TTC21A: variants seen among roughly 807,000 people sequenced by gnomAD.
TTC21A encodes the protein tetratricopeptide repeat protein 21A.
In TTC21A, 128 loss-of-function variants were observed where a neutral mutation model predicts 156.4. That is an observed-to-expected ratio of 0.82 (90% CI 0.71 to 0.95). TTC21A has a LOEUF of 0.95. Ranked by LOEUF, TTC21A falls within the 40% of genes least tolerant of loss-of-function variation. The pLI, the probability that TTC21A is intolerant of heterozygous loss-of-function variation, is 0.00. For missense variants in TTC21A, 1,435 were observed against 1,602.3 expected (o/e 0.90, Z 1.78); for synonymous variants, 587 against 617.1 (o/e 0.95, Z 0.72).
At position 39,130,104 on chromosome 3, in the gene TTC21A, C is replaced by T; in HGVS notation, c.2161C>T (p.Pro721Ser). 6.2e-7 allele frequency: 1 copy of T among 1,614,140 alleles called. No individual in the cohort carries two copies. Among genetic ancestry groups the T allele is most frequent in the Non-Finnish European group, 8.5e-7 (1 of 1,180,020 alleles). Reference protein sequence around the residue: ...YRELCEHLPGPHTSLLLGDAL... With the variant: ...YRELCEHLPGSHTSLLLGDAL... Reference sequence around the variant, plus strand: ...TGAGCTCTGTGAACATCTGCCTGGCCCCCACACCAGCCTGCTACTGGGCGA... The same window carrying T: ...TGAGCTCTGTGAACATCTGCCTGGCTCCCACACCAGCCTGCTACTGGGCGA... Residue 721 changes from proline to serine, a missense_variant, in exon 16 of 29, where the codon CCC becomes TCC. Transcript: ENST00000683103. The surrounding 1 kb of genome is among the most constrained non-coding windows in gnomAD (Gnocchi z 4.5).
intron 12 of TTC21A, among the ~76,000 whole-genome samples, chr3:39,127,114 C>G (rs2038334717): frequency 6.6e-6 from 1 of 152,158 alleles, no homozygotes; most frequent in Non-Finnish European, 1.5e-5. Flanking sequence ...GGCCCAGACC[C>G]TGGAGAGAAA....
At chr3:39,138,076 T>G (rs1575568973) in intron 26 of TTC21A, 191 bp from the exon 27 acceptor site, 1 of 717,050 alleles carries the variant, frequency 1.4e-6, no homozygotes. Context: ...GTGTCTGGGG[T>G]AGCTGAGAGG....
Position 39,107,683 on chromosome 3 carries a change from C to G in TTC21A, c.-155C>G. 1 of 1,301,704 alleles carries G rather than the reference C, an allele frequency of 7.7e-7. No individual in the cohort carries two copies. The highest frequency in any genetic ancestry group is 1.1e-6 in the Non-Finnish European group (1 of 925,432). The allele number at this position is 1,301,704 out of a possible 1,614,324, so 80.6% of individuals were successfully genotyped here. A position where few individuals can be genotyped will look rare whatever the true frequency, so the allele number is the denominator to read the frequency against. On this transcript the variant is annotated 5_prime_UTR_variant, in exon 1 of 29. Coordinates refer to ENST00000683103, the MANE Select transcript of TTC21A (RefSeq NM_001366900.1). Reference sequence around the variant, plus strand: ...GGCGTTTTGTTCCTCCCACTCCAGACACTGGACGCTCCTAGCAACCGGCTA... The same window carrying G: ...GGCGTTTTGTTCCTCCCACTCCAGAGACTGGACGCTCCTAGCAACCGGCTA...
chr3:39,131,131 A>G lies in TTC21A; in HGVS notation c.2562+36A>G, dbSNP rs764697161. 6 of 1,532,538 alleles carry G rather than the reference A, an allele frequency of 3.9e-6. No homozygotes were observed. The African/African-American group carries it at 5.5e-5, about 14-fold the overall frequency. The allele number at this position is 1,532,538 out of a possible 1,614,324, so 94.9% of individuals were successfully genotyped here. On this transcript the variant is annotated intron_variant, in intron 19 of 28. Coordinates refer to ENST00000683103, the MANE Select transcript of TTC21A (RefSeq NM_001366900.1). ...GGTGGACTCAAGCTCTTTATCTGCC[A>G]TCTGCTGATGGGGGCTGAAGGAGGA...
At position 39,134,305 on chromosome 3, in the gene TTC21A, C is replaced by G. The variant is rs2038950036; in HGVS notation, c.2839C>G (p.Gln947Glu). The G allele has an allele frequency of 2.5e-6, 4 of 1,613,598 alleles. No individual in the cohort carries two copies. The highest frequency in any genetic ancestry group is 1.3e-5 in the African/African-American group (1 of 74,908). ...QHCAILLQTE[Q>E]NHETASVLMA... is the part of the protein sequence containing the mutation. ...CTGTGCCATCCTCCTGCAGACTGAG[C>G]AGAACCATGAGACCGCTTCTGTGGT... is the stretch of plus-strand genomic sequence containing the variant. The change falls in exon 21 of 29, where the codon CAG (glutamine) becomes GAG (glutamate). Residue 947 changes from glutamine (Q) to glutamate (E), a missense_variant. By Grantham distance (29) the Gln-to-Glu change is conservative. Transcript: ENST00000683103. This position sits in a 1 kb window ranked among gnomAD's most constrained non-coding sequence, Gnocchi z 4.6.
In TTC21A at chr3:39,125,338, A is replaced by C. The variant is rs201539091; in HGVS notation, c.1198A>C (p.Ile400Leu). The C allele has an allele frequency of 2.9e-5, 46 of 1,613,714 alleles. No homozygotes were observed. The highest frequency in any genetic ancestry group is 3.8e-5 in the Non-Finnish European group (45 of 1,180,008). The change falls in exon 11 of 29, where the codon ATT becomes CTT. Residue 400 changes from isoleucine to leucine, a missense_variant. By Grantham distance (5) the Ile-to-Leu change is conservative (BLOSUM62 2). Coordinates refer to ENST00000683103, the MANE Select transcript of TTC21A (RefSeq NM_001366900.1). ...QKSLGKSEVL[I>L]FLQALLMSRK... Reference sequence around the variant, plus strand: ...TCGGTCCTCTCTTCCACAGGTGCTAATTTTCCTCCAAGCCCTCCTGATGTC... The same window carrying C: ...TCGGTCCTCTCTTCCACAGGTGCTACTTTTCCTCCAAGCCCTCCTGATGTC...
intron 3 of TTC21A, 49 bp from the exon 4 acceptor site, chr3:39,110,802 A>C: frequency 1.2e-6 from 2 of 1,608,876 alleles, no homozygotes; most frequent in African/African-American, 1.3e-5. Context: ...AGAACCAGGC[A>C]GACTTCCACA....
In TTC21A at chr3:39,121,008, C is replaced by T; in HGVS notation, c.912C>T (p.His304=). 1 of 1,607,366 alleles carries T rather than the reference C, an allele frequency of 6.2e-7. No individual in the cohort carries two copies. Among genetic ancestry groups the T allele is most frequent in the Non-Finnish European group, 8.5e-7 (1 of 1,175,978 alleles). The change falls in exon 9 of 29, where the codon CAC becomes CAT. Residue 304 remains histidine, a synonymous_variant. Coordinates refer to ENST00000683103, the MANE Select transcript of TTC21A (RefSeq NM_001366900.1). Reference sequence around the variant, plus strand: ...CCTGTTTCTTGCAGTGTGGGAGTCACCAGGTGATTCTAGGGCTAGTGTGTA... The same window carrying T: ...CCTGTTTCTTGCAGTGTGGGAGTCATCAGGTGATTCTAGGGCTAGTGTGTA... ...IIVVSRLCGS[H]QVILGLVCSF... is the part of the protein sequence containing the mutation.
At chr3:39,138,443 G>A in intron 27 of TTC21A, 56 bp downstream of exon 27, 1 of 1,613,362 alleles carries the variant, frequency 6.2e-7, no homozygotes, top group Non-Finnish European at 8.5e-7. Context: ...GTGGGCAGGA[G>A]GGCCCCCACC....
rs2038947736 is a variant in TTC21A, at chr3:39,134,265, C to T, written c.2799C>T (p.Asp933=). The change falls in exon 21 of 29, where the codon GAC becomes GAT. Residue 933 remains aspartate, a synonymous_variant. Transcript: ENST00000683103. The surrounding 1 kb of genome is among the most constrained non-coding windows in gnomAD (Gnocchi z 4.6). ...TCTACCTGCTCCAGGGGCACCTGGA[C>T]CTGTGTGAGCAGCACTGTGCCATCC... ...AQLYLLQGHL[D]LCEQHCAILL... The T allele has an allele frequency of 6.2e-7, 1 of 1,613,980 alleles. No homozygotes were observed. Among genetic ancestry groups the T allele is most frequent in the Non-Finnish European group, 8.5e-7 (1 of 1,179,920 alleles).
At chr3:39,111,110 A>G in intron 4 of TTC21A, 93 bp downstream of exon 4, 1 of 1,398,324 alleles carries the variant, frequency 7.2e-7, no homozygotes, top group Non-Finnish European at 9.6e-7. Flanking sequence ...GGGCCCTGAA[A>G]CTGGGGGAGA....
chr3:39,136,303 T>C, intron 22 of TTC21A, 54 bp from the exon 23 acceptor site: 1 of 1,572,586 alleles, frequency 6.4e-7, no homozygotes, highest in Non-Finnish European at 8.6e-7. Context: ...AGCACCCTCA[T>C]CTGATAACAG....
intron 1 of TTC21A, 135 bp downstream of exon 1, chr3:39,107,999 C>T (rs2036375691): frequency 9.2e-7 from 1 of 1,091,066 alleles, no homozygotes; most frequent in Non-Finnish European, 1.3e-6. Context: ...TTTCTTGCCC[C>T]ACTCCCCCTG....
In TTC21A at chr3:39,130,610, A is replaced by G; in HGVS notation, c.2320-91A>G. On this transcript the variant is annotated intron_variant, in intron 17 of 28. Coordinates refer to ENST00000683103, the MANE Select transcript of TTC21A (RefSeq NM_001366900.1). This position sits in a 1 kb window ranked among gnomAD's most constrained non-coding sequence, Gnocchi z 4.5. ...ACTTTAGGCTATGTTCTGGAGGGGCACACTGGTGTGATGGCTGCTGAGGGG... is the reference window on the plus strand; with the variant it reads ...ACTTTAGGCTATGTTCTGGAGGGGCGCACTGGTGTGATGGCTGCTGAGGGG... 6.6e-7 allele frequency: 1 copy of G among 1,515,048 alleles called. No individual in the cohort carries two copies. The highest frequency in any genetic ancestry group is 9.0e-7 in the Non-Finnish European group (1 of 1,106,404). 93.9% of individuals were successfully genotyped at this position (1,515,048 alleles called of 1,614,324 possible).
At position 39,120,758 on chromosome 3, in the gene TTC21A, A is replaced by G. The variant is rs145319039; in HGVS notation, c.901-239A>G. 4.9e-3 allele frequency among the ~76,000 whole-genome samples: 746 copies of G among 152,356 alleles called. 2 individuals are homozygous for G. Among genetic ancestry groups the G allele is most frequent in the Non-Finnish European group, 7.5e-3 (507 of 68,034 alleles). ...CTTAGACCAATTACTGTGACCAGACAGGGGATAGGTCCCTCAGAGGACCCT... is the reference window on the plus strand; with the variant it reads ...CTTAGACCAATTACTGTGACCAGACGGGGGATAGGTCCCTCAGAGGACCCT... On this transcript the variant is annotated intron_variant, in intron 8 of 28. Coordinates refer to ENST00000683103, the MANE Select transcript of TTC21A (RefSeq NM_001366900.1).
intron 9 of TTC21A, 58 bp downstream of exon 9, chr3:39,121,247 T>C: frequency 6.7e-7 from 1 of 1,493,080 alleles, no homozygotes; most frequent in East Asian, 2.3e-5. Context: ...CCGGGCAGCT[T>C]CCATGGGTCC....
chr3:39,137,154 G>A, intron 24 of TTC21A, 41 bp from the exon 25 acceptor site: 2 of 1,599,686 alleles, frequency 1.3e-6, no homozygotes, highest in Non-Finnish European at 1.7e-6. Context: ...ACACGGGCAG[G>A]CCACCGGCCT....
intron 19 of TTC21A, among the ~76,000 whole-genome samples, chr3:39,132,132 C>T (rs1185779055): frequency 1.3e-5 from 2 of 152,150 alleles, no homozygotes; most frequent in African/African-American, 2.4e-5. Context: ...ATACTGTAGA[C>T]AGTTGTAGCA....
chr3:39,130,513 ACT>A lies in TTC21A; in HGVS notation c.2319+160_2319+161del, dbSNP rs1344629225. 2 of 948,098 alleles carry A rather than the reference ACT, an allele frequency of 2.1e-6. No individual in the cohort carries two copies. Among genetic ancestry groups the A allele is most frequent in the African/African-American group, 1.6e-5 (1 of 60,634 alleles). 58.7% of individuals were successfully genotyped at this position (948,098 alleles called of 1,614,324 possible). A position where few individuals can be genotyped will look rare whatever the true frequency, so the allele number is the denominator to read the frequency against. Reference sequence around the variant, plus strand: ...GGGGTGCCAAGGGGAGAACTCAGCAACTCTCTGCTGCTGACCACACCTGCTTA... The same window carrying A: ...GGGGTGCCAAGGGGAGAACTCAGCAACTCTGCTGCTGACCACACCTGCTTA... On this transcript the variant is annotated intron_variant, in intron 17 of 28. Coordinates refer to ENST00000683103, the MANE Select transcript of TTC21A (RefSeq NM_001366900.1). The surrounding 1 kb of genome is among the most constrained non-coding windows in gnomAD (Gnocchi z 4.5).
Sources: allele counts gnomAD v4.1 joint callset (sites outside exome capture counted in the v4.1 genomes callset), GRCh38; gene constraint gnomAD v4.1.1; non-coding constraint Gnocchi (gnomAD v3.1); transcripts MANE v1.5; gene names NCBI Gene and HGNC (gene_info 2026-07-23, HGNC 2026-07-21).